The following BSPRY variants were observed in gnomAD, a reference collection of about 807,000 sequenced individuals.
BSPRY encodes B box and SPRY domain-containing protein.
In BSPRY, 33 loss-of-function variants were observed where a neutral mutation model predicts 38.0. The ratio of observed to expected loss-of-function variants is 0.87; its 90% CI spans 0.66 to 1.16. The LOEUF is 1.16. Ranked by LOEUF, BSPRY falls within the 50% of genes most tolerant of loss-of-function variation. The pLI is 0.00. For missense variants in BSPRY, 523 were observed against 533.2 expected, an observed-to-expected ratio of 0.98 and a Z score of 0.19; for synonymous variants, 224 against 228.5, an observed-to-expected ratio of 0.98 and a Z score of 0.18.
At chr9:113,362,010 C>G (rs886391933) in intron 3 of BSPRY, among the ~76,000 whole-genome samples, 1 of 152,206 alleles carries the variant, frequency 6.6e-6, no homozygotes, top group Non-Finnish European at 1.5e-5. Context: ...GACACTGGGA[C>G]AGTCACAATA....
In BSPRY at chr9:113,370,190, CAT is replaced by C. The variant is rs766912506; in HGVS notation, c.*49_*50del. The C allele has an allele frequency of 6.6e-7, 1 of 1,510,328 alleles. No individual in the cohort carries two copies. The highest frequency in any genetic ancestry group is 8.9e-7 in the Non-Finnish European group (1 of 1,127,842). 93.6% of individuals were successfully genotyped at this position (1,510,328 alleles called of 1,614,324 possible). On this transcript the variant is annotated 3_prime_UTR_variant, in exon 6 of 6. Coordinates refer to ENST00000374183, the MANE Select transcript of BSPRY (RefSeq NM_017688.3). The surrounding 1 kb of genome is among the most constrained non-coding windows in gnomAD (Gnocchi z 4.8). ...TCCACCGCCCACCACCCTTTCAGGC[CAT>C]GTTTCTACTCAGTGTGCTTTTCCCA...
intron 1 of BSPRY, 102 bp downstream of exon 1, chr9:113,349,882 C>T (rs1000080196): frequency 2.6e-5 from 31 of 1,182,830 alleles, no homozygotes; most frequent in Non-Finnish European, 4.2e-6. Context: ...GCGGACTCGA[C>T]ACCCGGCCCC....
chr9:113,357,410 AT>A (rs2118912061), intron 2 of BSPRY, among the ~76,000 whole-genome samples: 1 of 152,240 alleles, frequency 6.6e-6, no homozygotes, highest in African/African-American at 2.4e-5. Context: ...CTGAATTTGG[AT>A]TGCTAATCTC....
intron 2 of BSPRY, among the ~76,000 whole-genome samples, chr9:113,356,557 G>A (rs539804079): frequency 1.3e-5 from 2 of 152,140 alleles, no homozygotes; most frequent in African/African-American, 4.8e-5. Flanking sequence ...GATTATAGGC[G>A]GCAAAGGTTA....
At chr9:113,358,707 G>A (rs1025286551) in intron 2 of BSPRY, among the ~76,000 whole-genome samples, 9 of 152,112 alleles carry the variant, frequency 5.9e-5, no homozygotes, top group African/African-American at 2.2e-4. Context: ...CCTTTTCTGG[G>A]AATGGCTCAA....
intron 1 of BSPRY, among the ~76,000 whole-genome samples, chr9:113,351,711 G>A (rs1833974815): frequency 6.6e-6 from 1 of 152,132 alleles, no homozygotes; most frequent in Non-Finnish European, 1.5e-5. Flanking sequence ...GCAAAAGCAG[G>A]GCCCTGGCCC....
Position 113,368,249 on chromosome 9 carries a change from C to T in BSPRY, c.558-10C>T, listed in dbSNP as rs376194058. On this transcript the variant is annotated splice_polypyrimidine_tract_variant and intron_variant, in intron 4 of 5. Transcript: ENST00000374183. ...TCCTGAATCTCTGTCTCTGTTTTTC[C>T]CCATATAAGGACCGAAGAAGCAGAG... 1 of 1,613,302 alleles carries T rather than the reference C, an allele frequency of 6.2e-7. No homozygotes were observed. The highest frequency in any genetic ancestry group is 1.3e-5 in the African/African-American group (1 of 74,830).
In BSPRY at chr9:113,349,624, G is replaced by T. The variant is rs1588058402; in HGVS notation, c.45G>T (p.Gly15=). 2 of 1,204,720 alleles carry T rather than the reference G, an allele frequency of 1.7e-6. No homozygotes were observed. The highest frequency in any genetic ancestry group is 3.5e-5 in the East Asian group (1 of 28,280). 74.6% of individuals were successfully genotyped at this position (1,204,720 alleles called of 1,614,324 possible). ...GAEPGPGSGS[G]PGPGPLCPEH... ...AGCCGGGGCCGGGGTCCGGGTCCGG[G>T]CCCGGGCCGGGGCCACTCTGCCCCG... Residue 15 remains glycine, a synonymous_variant, in exon 1 of 6, where the codon GGG becomes GGT. Coordinates refer to ENST00000374183, the MANE Select transcript of BSPRY (RefSeq NM_017688.3).
chr9:113,358,865 C>T (rs889442901), intron 2 of BSPRY, among the ~76,000 whole-genome samples: 15 of 151,920 alleles, frequency 9.9e-5, no homozygotes, highest in Admixed American at 2.6e-4. Context: ...GTGGGATAAA[C>T]AGGAGAATAA....
intron 2 of BSPRY, among the ~76,000 whole-genome samples, chr9:113,355,328 G>T (rs1036484968): frequency 6.6e-6 from 1 of 152,122 alleles, no homozygotes; most frequent in African/African-American, 2.4e-5. Context: ...TCTTTTAATT[G>T]CATGGAACAG....
In BSPRY at chr9:113,369,678, C is replaced by T. The variant is rs753903272; in HGVS notation, c.745C>T (p.Arg249Ter). The T allele has an allele frequency of 1.3e-5, 21 of 1,614,084 alleles. No individual in the cohort carries two copies. The highest frequency in any genetic ancestry group is 1.6e-4 in the Middle Eastern group (1 of 6,084). Residue 249 changes from arginine to a stop codon, truncating the protein, a stop_gained, in exon 6 of 6, where the codon CGA (arginine) becomes TGA (stop). Coordinates refer to ENST00000374183, the MANE Select transcript of BSPRY (RefSeq NM_017688.3). LOFTEE classifies it high-confidence loss of function. ...VSPFLQLSDD[R>*]KTLTFSTKKS... is the part of the protein sequence containing the mutation. ...CCCCTTCCTGCAATTGTCAGATGAT[C>T]GAAAGACCCTGACCTTCAGCACCAA...
intron 1 of BSPRY, among the ~76,000 whole-genome samples, chr9:113,350,691 A>G (rs1425048112): frequency 6.6e-6 from 1 of 152,110 alleles, no homozygotes; most frequent in Non-Finnish European, 1.5e-5. Flanking sequence ...TCGCCTACCC[A>G]GAGTGACCTG....
intron 4 of BSPRY, among the ~76,000 whole-genome samples, chr9:113,364,947 GTTTT>G (rs144272713): frequency 7.4e-6 from 1 of 134,522 alleles, no homozygotes; most frequent in African/African-American, 2.7e-5. Flanking sequence ...TCCTTAGCTT[GTTTT>G]TTTTTTTTTT....
intron 4 of BSPRY, among the ~76,000 whole-genome samples, chr9:113,367,144 A>G (rs1234143090): frequency 6.6e-6 from 1 of 152,190 alleles, no homozygotes; most frequent in Non-Finnish European, 1.5e-5. Context: ...TTTTGCATGG[A>G]GGCATGACTT....
chr9:113,349,908 C>A, intron 1 of BSPRY, 128 bp downstream of exon 1: 1 of 1,152,992 alleles, frequency 8.7e-7, no homozygotes, highest in Non-Finnish European at 1.1e-6. Context: ...CTAGGCTCCT[C>A]GGTGGCTTTG....
intron 4 of BSPRY, among the ~76,000 whole-genome samples, chr9:113,364,502 A>T (rs1207083499): frequency 1.3e-5 from 2 of 151,906 alleles, no homozygotes; most frequent in Non-Finnish European, 2.9e-5. Flanking sequence ...TTTTTAATTG[A>T]TCTTTAATTT....
chr9:113,364,147 C>G (rs1186235430), intron 4 of BSPRY, among the ~76,000 whole-genome samples: 1 of 152,118 alleles, frequency 6.6e-6, no homozygotes, highest in Non-Finnish European at 1.5e-5. Flanking sequence ...GAGCCTGCCA[C>G]TGCACTCCAG....
At chr9:113,352,920 G>C (rs923287692) in intron 1 of BSPRY, among the ~76,000 whole-genome samples, 2 of 152,224 alleles carry the variant, frequency 1.3e-5, no homozygotes, top group African/African-American at 4.8e-5. Context: ...TGGAATTGAT[G>C]TGGGGTTGGA....
intron 3 of BSPRY, among the ~76,000 whole-genome samples, chr9:113,361,622 C>T (rs1351066739): frequency 1.3e-5 from 2 of 152,016 alleles, no homozygotes; most frequent in African/African-American, 4.8e-5. Flanking sequence ...GAAGCTGATG[C>T]CTGAAAGATA....
Sources: allele counts gnomAD v4.1 joint callset (sites outside exome capture counted in the v4.1 genomes callset), GRCh38; gene constraint gnomAD v4.1.1; non-coding constraint Gnocchi (gnomAD v3.1); transcripts MANE v1.5; gene names NCBI Gene and HGNC (gene_info 2026-07-23, HGNC 2026-07-21).